COL6A5: variants seen among roughly 807,000 people sequenced by gnomAD.
The protein encoded by COL6A5 is collagen alpha-5(VI) chain.
A neutral mutation model predicts 65.6 loss-of-function variants in COL6A5; 48 were observed. The observed-to-expected ratio is 0.73, with a 90% CI of 0.58 to 0.93. The LOEUF (loss-of-function observed/expected upper bound fraction) is 0.93, where lower values mean the gene tolerates loss of function less well. Ranked by LOEUF, COL6A5 falls within the 40% of genes least tolerant of loss-of-function variation. The pLI is 0.00. For missense variants in COL6A5, 914 were observed against 928.3 expected (o/e 0.98, Z 0.20); for synonymous variants, 291 against 322.8 (o/e 0.90, Z 1.05).
chr3:130,431,771 G>A (rs1407165787), exon 1 of COL6A5: 18 of 1,551,474 alleles, frequency 1.2e-5, no homozygotes, highest in East Asian at 4.9e-5. Context: ...TTTGTGACCC[G>A]CAACGTGTTC....
chr3:130,405,498 T>C (rs1189899371), intron 13 of COL6A5, 90 bp from the exon 14 acceptor site: 5 of 836,668 alleles, frequency 6.0e-6, no homozygotes, highest in Non-Finnish European at 9.7e-6. Flanking sequence ...ATAGTGCCCA[T>C]GTGCTTTGTC....
At chr3:130,455,099 C>T (rs114107829) in intron 4 of COL6A5, among the ~76,000 whole-genome samples, 2,299 of 151,588 alleles carry the variant, frequency 0.015, 59 homozygotes, top group African/African-American at 0.053. Context: ...GTGATTGCAC[C>T]GCTGCATTCC....
intron 21 of COL6A5, 97 bp downstream of exon 21, chr3:130,413,677 C>A: frequency 2.4e-6 from 3 of 1,264,938 alleles, no homozygotes; most frequent in Non-Finnish European, 3.4e-6. Context: ...GAGCATTTTA[C>A]AAGGGTATAG....
chr3:130,400,588 A>T (rs1936781655), intron 10 of COL6A5, among the ~76,000 whole-genome samples: 1 of 152,184 alleles, frequency 6.6e-6, no homozygotes, highest in Admixed American at 6.5e-5. Flanking sequence ...TTGGCCTCCC[A>T]GGGGTGTTTG....
intron 10 of COL6A5, 45 bp from the exon 11 acceptor site, chr3:130,400,986 G>T: frequency 6.9e-7 from 1 of 1,442,722 alleles, no homozygotes; most frequent in South Asian, 1.5e-5. Context: ...TCTTTTTCAT[G>T]TACAACCCCT....
At chr3:130,440,588 G>A in exon 3 of COL6A5, 2 of 1,613,496 alleles carry the variant, frequency 1.2e-6, no homozygotes, top group Non-Finnish European at 8.5e-7. Context: ...GGTCATCTTT[G>A]TGGTCTCAGC....
chr3:130,472,832 C>CATATATATATATATATATATATAT (rs10654631), intron 7 of COL6A5, among the ~76,000 whole-genome samples: 11 of 99,390 alleles, frequency 1.1e-4, no homozygotes, highest in South Asian at 3.9e-4. Context: ...TGTGTGTATA[C>CATATATATATATATATATATATAT]ATATATATAT....
intron 4 of COL6A5, among the ~76,000 whole-genome samples, chr3:130,445,589 G>A (rs755959083): frequency 1.3e-5 from 2 of 152,168 alleles, no homozygotes; most frequent in East Asian, 1.9e-4. Flanking sequence ...TCCCATACTC[G>A]CAGTCCAGAC....
chr3:130,412,102 C>T (rs1577482724), intron 20 of COL6A5, among the ~76,000 whole-genome samples: 1 of 152,126 alleles, frequency 6.6e-6, no homozygotes, highest in East Asian at 1.9e-4. Context: ...AATGGATCCA[C>T]ACACTGAAAA....
chr3:130,409,886 G>A, intron 18 of COL6A5, 123 bp from the exon 19 acceptor site: 2 of 583,504 alleles, frequency 3.4e-6, no homozygotes, highest in Non-Finnish European at 3.0e-6. Flanking sequence ...TTTCGAATAT[G>A]AAAAAATTTC....
chr3:130,384,678 G>A (rs945007635), intron 4 of COL6A5, 126 bp from the exon 5 acceptor site: 5 of 713,224 alleles, frequency 7.0e-6, no homozygotes, highest in African/African-American at 1.8e-5. Context: ...AATGAAGTGT[G>A]CAGGCTCTAC....
At chr3:130,353,873 CTTATAT>C (rs765959650) in intron 1 of COL6A5, among the ~76,000 whole-genome samples, 54 of 152,000 alleles carry the variant, frequency 3.6e-4, no homozygotes, top group Admixed American at 4.6e-4. Context: ...GAATATGTCA[CTTATAT>C]TTATAGTTGA....
intron 10 of COL6A5, among the ~76,000 whole-genome samples, chr3:130,398,319 A>G (rs1936687690): frequency 6.6e-6 from 1 of 151,834 alleles, no homozygotes; most frequent in Non-Finnish European, 1.5e-5. Flanking sequence ...TTTAGTAGAG[A>G]TGGGGTTTCA....
chr3:130,395,217 T>TC, exon 8 of COL6A5: 8 of 1,551,596 alleles, frequency 5.2e-6, no homozygotes, highest in Non-Finnish European at 7.0e-6. Flanking sequence ...AATGCTGGTG[T>TC]CCCCCAAACT....
Position 130,415,693 on chromosome 3 carries a change from C to A in COL6A5, c.4810C>A (p.Gln1604Lys). Residue 1604 changes from glutamine (Q) to lysine (K), a missense_variant and NMD_transcript_variant, in exon 23 of 42, where the codon CAG (glutamine) becomes AAG (lysine). By Grantham distance (53) the Gln-to-Lys change is moderately conservative. Transcript: ENST00000312481. Reference sequence around the variant, plus strand: ...AAAAGGAGAAAAAGGAAGCCAGGGGCAGAAAGGACCTCAGGTGAGTGACTC... The same window carrying A: ...AAAAGGAGAAAAAGGAAGCCAGGGGAAGAAAGGACCTCAGGTGAGTGACTC... The A allele has an allele frequency of 1.3e-6, 2 of 1,548,096 alleles. 1 individual carries two copies. The highest frequency in any genetic ancestry group is 2.4e-5 in the South Asian group (2 of 83,650).
intron 7 of COL6A5, among the ~76,000 whole-genome samples, chr3:130,393,076 T>TGTG (rs1553749732): frequency 1.1e-4 from 10 of 92,252 alleles, no homozygotes; most frequent in African/African-American, 4.7e-4. Context: ...TGTTTTTTTT[T>TGTG]TGTGTGTGTG....
chr3:130,420,480 CA>C (rs1937493619), intron 25 of COL6A5, among the ~76,000 whole-genome samples: 1 of 152,082 alleles, frequency 6.6e-6, no homozygotes, highest in African/African-American at 2.4e-5. Flanking sequence ...AACAACACAG[CA>C]ATGAACATTC....
intron 15 of COL6A5, 23 bp from the exon 16 acceptor site, chr3:130,406,107 TG>T: frequency 6.5e-7 from 1 of 1,548,902 alleles, no homozygotes; most frequent in Non-Finnish European, 8.7e-7. Context: ...TTTTACCTGA[TG>T]CCTGTCTATT....
intron 7 of COL6A5, among the ~76,000 whole-genome samples, chr3:130,393,076 T>TTGTGTG (rs923185497): frequency 4.3e-5 from 4 of 92,252 alleles, no homozygotes; most frequent in East Asian, 8.0e-4. Flanking sequence ...TGTTTTTTTT[T>TTGTGTG]TGTGTGTGTG....
Sources: allele counts gnomAD v4.1 joint callset (sites outside exome capture counted in the v4.1 genomes callset), GRCh38; gene constraint gnomAD v4.1.1; transcripts MANE v1.5; gene names NCBI Gene and HGNC (gene_info 2026-07-23, HGNC 2026-07-21).